Variants in ADARB2 observed in about 807,000 individuals in gnomAD.
ADARB2 encodes inactive double-stranded RNA-specific editase B2.
In ADARB2, 25 loss-of-function variants were observed where a neutral mutation model predicts 62.2. That is an observed-to-expected ratio of 0.40 (90% CI 0.29 to 0.56). The LOEUF is 0.56. Among genes scored for constraint, ADARB2 ranks in the 20% least tolerant of loss-of-function variants. The pLI, the probability that ADARB2 is intolerant of heterozygous loss-of-function variation, is 0.43. For synonymous variants in ADARB2, 572 were observed against 500.8 expected (o/e 1.14, Z -1.90); for missense variants, 1,071 against 1,077.4 (o/e 0.99, Z 0.08).
chr10:1,493,700 T>C (rs1406421385), intron 1 of ADARB2, among the ~76,000 whole-genome samples: 6 of 147,360 alleles, frequency 4.1e-5, no homozygotes, highest in Non-Finnish European at 8.9e-5. Context: ...CCAAGCATTA[T>C]TATTCTAGGC....
intron 7 of ADARB2, among the ~76,000 whole-genome samples, chr10:1,209,520 C>G (rs1304770182): frequency 6.6e-6 from 1 of 150,752 alleles, no homozygotes; most frequent in Non-Finnish European, 1.5e-5. Context: ...GTCACCCATG[C>G]CCACACCTAC....
intron 3 of ADARB2, among the ~76,000 whole-genome samples, chr10:1,300,719 C>A (rs1029028514): frequency 6.6e-6 from 1 of 152,142 alleles, no homozygotes; most frequent in Non-Finnish European, 1.5e-5. Flanking sequence ...GATTTAAAAT[C>A]AAAACATACA....
intron 1 of ADARB2, among the ~76,000 whole-genome samples, chr10:1,406,678 G>A (rs78810569): frequency 6.6e-6 from 1 of 152,212 alleles, no homozygotes; most frequent in Non-Finnish European, 1.5e-5. Context: ...GCTTTGGCGG[G>A]GGAGCCCTGG....
intron 1 of ADARB2, among the ~76,000 whole-genome samples, chr10:1,635,755 TTCTGGTCCCTTTTA>T (rs1319596834): frequency 1.3e-5 from 2 of 152,212 alleles, no homozygotes; most frequent in African/African-American, 4.8e-5. Flanking sequence ...TGTTGAGCGA[TTCTGGTCCCTTTTA>T]TCTTCACTCA....
In ADARB2 at chr10:1,248,556, CT is replaced by C. The variant is rs1266317522; in HGVS notation, c.1193-6258del. ...AGGAGGAGGCTGCAGCTGTGAGCTG[CT>C]CCTGGCCGGTACTCGGAGCCAGGAG... On this transcript the variant is annotated intron_variant, in intron 4 of 9. Transcript: ENST00000381312. 2.6e-5 allele frequency among the ~76,000 whole-genome samples: 4 copies of C among 152,188 alleles called. No homozygotes were observed. The East Asian group carries it at 7.7e-4, about 29-fold the overall frequency.
At chr10:1,471,190 T>C (rs192768939) in intron 1 of ADARB2, among the ~76,000 whole-genome samples, 2 of 152,340 alleles carry the variant, frequency 1.3e-5, no homozygotes, top group Non-Finnish European at 2.9e-5. Context: ...AAGGATTTCA[T>C]TCCGCAGAAC....
At chr10:1,656,484 C>T (rs1264656316) in intron 1 of ADARB2, among the ~76,000 whole-genome samples, 1 of 151,840 alleles carries the variant, frequency 6.6e-6, no homozygotes, top group East Asian at 1.9e-4. Context: ...CACTTTCATA[C>T]TGGTTGAGAG....
chr10:1,445,244 C>T (rs1325399774), intron 1 of ADARB2, among the ~76,000 whole-genome samples: 1 of 150,452 alleles, frequency 6.6e-6, no homozygotes, highest in African/African-American at 2.4e-5. Context: ...ACCCATCCAT[C>T]TACATCCATT....
chr10:1,558,590 G>GCCCCCCTCCA (rs1832741687), intron 1 of ADARB2, among the ~76,000 whole-genome samples: 1 of 84,292 alleles, frequency 1.2e-5, no homozygotes, highest in South Asian at 3.7e-4. Context: ...GTCCCCTTCT[G>GCCCCCCTCCA]TGGGTGCTCA....
rs1437460787 is a variant in ADARB2 at position 1,528,394 on chromosome 10, C to T, written c.101-149234G>A. On this transcript the variant is annotated intron_variant, in intron 1 of 9. Transcript: ENST00000381312. ...TTTATGTAACTGATCTGACAGTGCACGTGAATCTATGAGCAGTTACTTATT... is the reference window on the plus strand; with the variant it reads ...TTTATGTAACTGATCTGACAGTGCATGTGAATCTATGAGCAGTTACTTATT... Among the ~76,000 whole-genome samples, 3 of 152,278 alleles carry T rather than the reference C, an allele frequency of 2.0e-5. No homozygotes were observed. In the East Asian group the frequency reaches 5.8e-4, roughly 29 times the overall value.
At chr10:1,551,112 C>T (rs1022237060) in intron 1 of ADARB2, among the ~76,000 whole-genome samples, 1 of 152,112 alleles carries the variant, frequency 6.6e-6, no homozygotes, top group Non-Finnish European at 1.5e-5. Flanking sequence ...TCCAACCTGC[C>T]TGGTGTCCTT....
intron 1 of ADARB2, among the ~76,000 whole-genome samples, chr10:1,722,627 C>T (rs142880974): frequency 8.3e-4 from 126 of 152,296 alleles, no homozygotes; most frequent in African/African-American, 2.9e-3. Flanking sequence ...CTTGGTAGCA[C>T]ATCAACTTCC....
chr10:1,464,309 C>T lies in ADARB2; in HGVS notation c.101-85149G>A, dbSNP rs373507481. ...CGCTGGGGACAGTCACAGCAGGCAG[C>T]GCGCCGGAGAAGAGGGTGGACACAC... On this transcript the variant is annotated intron_variant, in intron 1 of 9. Transcript: ENST00000381312. 2.2e-4 allele frequency among the ~76,000 whole-genome samples: 10 copies of T among 45,798 alleles called. 1 individual carries two copies. Among genetic ancestry groups the T allele is most frequent in the African/African-American group, 2.8e-4 (4 of 14,234 alleles). 30.0% of individuals were successfully genotyped at this position (45,798 alleles called of 152,430 possible).
rs1333158911 is a variant in ADARB2 at position 1,396,692 on chromosome 10, C to A, written c.101-17532G>T. Among the ~76,000 whole-genome samples the A allele has an allele frequency of 2.0e-5, 3 of 146,380 alleles. No homozygotes were observed. In the East Asian group the frequency reaches 6.3e-4, roughly 31 times the overall value. On this transcript the variant is annotated intron_variant, in intron 1 of 9. Coordinates refer to ENST00000381312, the MANE Select transcript of ADARB2 (RefSeq NM_018702.4). ...GAGTGCAGGCTTCCTGGGTCACCGTCCGTCTCTCCCCTCCCGAGCGGAGGC... is the reference window on the plus strand; with the variant it reads ...GAGTGCAGGCTTCCTGGGTCACCGTACGTCTCTCCCCTCCCGAGCGGAGGC...
At chr10:1,719,165 T>C (rs1835057902) in intron 1 of ADARB2, among the ~76,000 whole-genome samples, 1 of 152,162 alleles carries the variant, frequency 6.6e-6, no homozygotes, top group African/African-American at 2.4e-5. Context: ...GGTTTCACCA[T>C]GTTGGCCAGG....
chr10:1,578,905 C>T (rs1383990605), intron 1 of ADARB2, among the ~76,000 whole-genome samples: 1 of 152,200 alleles, frequency 6.6e-6, no homozygotes, highest in South Asian at 2.1e-4. Flanking sequence ...CCCCATGCGC[C>T]TGGTGAGGCT....
At chr10:1,284,564 CCAA>C (rs1831396753) in intron 3 of ADARB2, among the ~76,000 whole-genome samples, 1 of 152,114 alleles carries the variant, frequency 6.6e-6, no homozygotes, top group South Asian at 2.1e-4. Flanking sequence ...TTTAATCCAC[CCAA>C]CAACTATGTG....
chr10:1,496,085 A>G (rs1212135402), intron 1 of ADARB2, among the ~76,000 whole-genome samples: 1 of 151,972 alleles, frequency 6.6e-6, no homozygotes, highest in Admixed American at 6.6e-5. Context: ...TATCATCGTC[A>G]TCACCATCAT....
intron 1 of ADARB2, chr10:1,675,405 T>C: frequency 1.0e-6 from 1 of 977,922 alleles, no homozygotes; most frequent in Non-Finnish European, 1.2e-6. Context: ...TCTGGAGGTT[T>C]GGGTTAAGGG....
Sources: allele counts gnomAD v4.1 joint callset (sites outside exome capture counted in the v4.1 genomes callset), GRCh38; gene constraint gnomAD v4.1.1; transcripts MANE v1.5; gene names NCBI Gene and HGNC (gene_info 2026-07-23, HGNC 2026-07-21).